KIF6: variants seen among roughly 807,000 people sequenced by gnomAD.
KIF6 encodes the protein kinesin-like protein KIF6.
In KIF6, 106 loss-of-function variants were observed where a neutral mutation model predicts 112.7. The observed-to-expected ratio is 0.94, with a 90% CI of 0.80 to 1.11. KIF6 has a LOEUF of 1.11. Among genes scored for constraint, KIF6 ranks in the 50% least tolerant of loss-of-function variants. The pLI is 0.00. For synonymous variants in KIF6, 339 were observed against 339.9 expected (o/e 1.00, Z 0.03); for missense variants, 929 against 964.0 (o/e 0.96, Z 0.48).
intron 3 of KIF6, among the ~76,000 whole-genome samples, chr6:39,675,465 G>C (rs1285444515): frequency 6.6e-6 from 1 of 152,144 alleles, no homozygotes; most frequent in Non-Finnish European, 1.5e-5. Flanking sequence ...GTGGTTTGAA[G>C]ATGACTAGCC....
chr6:39,478,033 T>C (rs1337518055), intron 13 of KIF6, among the ~76,000 whole-genome samples: 2 of 152,192 alleles, frequency 1.3e-5, no homozygotes, highest in African/African-American at 4.8e-5. Context: ...TACATGATTT[T>C]ATTATTTTTT....
intron 3 of KIF6, among the ~76,000 whole-genome samples, chr6:39,707,101 T>C (rs1262357809): frequency 1.3e-5 from 2 of 152,214 alleles, no homozygotes; most frequent in Admixed American, 6.5e-5. Context: ...TGGTAGAATG[T>C]ATGTGTATAG....
At chr6:39,442,940 C>T (rs1390176871) in intron 13 of KIF6, among the ~76,000 whole-genome samples, 1 of 151,700 alleles carries the variant, frequency 6.6e-6, no homozygotes, top group East Asian at 1.9e-4. Flanking sequence ...GGTGAAACCT[C>T]GTCTCTACTA....
At chr6:39,491,649 G>C (rs1366769859) in intron 13 of KIF6, among the ~76,000 whole-genome samples, 1 of 152,194 alleles carries the variant, frequency 6.6e-6, no homozygotes, top group Non-Finnish European at 1.5e-5. Context: ...GAAGGGACTT[G>C]TAGAGTCTGT....
chr6:39,640,990 C>A (rs1561889119), intron 3 of KIF6, among the ~76,000 whole-genome samples: 1 of 152,092 alleles, frequency 6.6e-6, no homozygotes, highest in Non-Finnish European at 1.5e-5. Context: ...GGAGTGTAAT[C>A]ACTTTTCTTC....
chr6:39,349,801 G>A (rs762629120), intron 19 of KIF6, among the ~76,000 whole-genome samples: 6 of 151,762 alleles, frequency 4.0e-5, no homozygotes, highest in Middle Eastern at 3.4e-3. Flanking sequence ...CACCACCATG[G>A]CTGGCTAATT....
chr6:39,502,521 A>G (rs558178147), intron 13 of KIF6, among the ~76,000 whole-genome samples: 37 of 152,354 alleles, frequency 2.4e-4, no homozygotes, highest in African/African-American at 8.7e-4. Flanking sequence ...AAATGGGCTA[A>G]ATGCCCCAAT....
chr6:39,608,833 T>C (rs1329729643), intron 6 of KIF6, among the ~76,000 whole-genome samples: 1 of 152,170 alleles, frequency 6.6e-6, no homozygotes, highest in Non-Finnish European at 1.5e-5. Flanking sequence ...AATCACCAGG[T>C]CTTCCTCTCT....
rs143862137 is a variant in KIF6 at position 39,708,680 on chromosome 6, G to A, written c.251+6012C>T. ...AAGCTTTTAGGTAAAACATAGATTG[G>A]CTCTATTAGAAAACTGGAATTCTGC... On this transcript the variant is annotated intron_variant, in intron 3 of 22. Transcript: ENST00000287152. 2.1e-3 allele frequency among the ~76,000 whole-genome samples: 319 copies of A among 152,204 alleles called. 1 individual carries two copies. The highest frequency in any genetic ancestry group is 7.0e-3 in the African/African-American group (292 of 41,538).
intron 13 of KIF6, among the ~76,000 whole-genome samples, chr6:39,474,659 G>A (rs1052118220): frequency 5.3e-5 from 8 of 152,256 alleles, no homozygotes; most frequent in Non-Finnish European, 1.2e-4. Context: ...GCTGTGGTCT[G>A]AAGCTTCTCC....
intron 3 of KIF6, among the ~76,000 whole-genome samples, chr6:39,648,181 G>A (rs1021091418): frequency 7.8e-6 from 1 of 127,642 alleles, no homozygotes; most frequent in African/African-American, 3.0e-5. Context: ...CTGCCACCAT[G>A]CCTGGCTAAT....
chr6:39,375,549 T>C (rs1766374193), intron 16 of KIF6, among the ~76,000 whole-genome samples: 2 of 152,276 alleles, frequency 1.3e-5, no homozygotes, highest in South Asian at 4.2e-4. Context: ...GCAAATTTCC[T>C]CTCTCTGCTT....
rs1000131506 is a variant in KIF6, at chr6:39,627,036, T to C, written c.509+7813A>G. On this transcript the variant is annotated intron_variant, in intron 5 of 22. Coordinates refer to ENST00000287152, the MANE Select transcript of KIF6 (RefSeq NM_145027.6). Reference sequence around the variant, plus strand: ...AGGCAATTCCAATTATGCTATGTCCTGGAATCAAAATCTCCAAGGGCTACA... The same window carrying C: ...AGGCAATTCCAATTATGCTATGTCCCGGAATCAAAATCTCCAAGGGCTACA... Among the ~76,000 whole-genome samples the C allele has an allele frequency of 1.1e-4, 17 of 152,282 alleles. No individual in the cohort carries two copies. The East Asian group carries it at 3.1e-3, about 28-fold the overall frequency.
At chr6:39,626,361 C>T (rs1051931773) in intron 5 of KIF6, among the ~76,000 whole-genome samples, 1 of 152,050 alleles carries the variant, frequency 6.6e-6, no homozygotes, top group Non-Finnish European at 1.5e-5. Flanking sequence ...GCTCCAGAGG[C>T]CTAAAGAAAC....
At chr6:39,596,887 A>G (rs577819060) in intron 6 of KIF6, among the ~76,000 whole-genome samples, 134 of 152,344 alleles carry the variant, frequency 8.8e-4, no homozygotes, top group African/African-American at 3.1e-3. Context: ...TGGTTGCTGG[A>G]TATGAGATGA....
At chr6:39,370,862 G>T (rs1044935892) in intron 16 of KIF6, among the ~76,000 whole-genome samples, 6 of 152,050 alleles carry the variant, frequency 3.9e-5, no homozygotes, top group African/African-American at 1.4e-4. Flanking sequence ...CACTACTGTC[G>T]ATTTTTATTC....
Position 39,373,622 on chromosome 6 carries a change from T to C in KIF6, c.1862-11104A>G, listed in dbSNP as rs116789238. ...TAAAAAAAAATTCCATTAATGATAG[T>C]AACAACAACAAAAAACCCAAAGAAC... On this transcript the variant is annotated intron_variant, in intron 16 of 22. Transcript: ENST00000287152. Among the ~76,000 whole-genome samples, 697 of 151,804 alleles carry C rather than the reference T, an allele frequency of 4.6e-3. 3 individuals carry two copies. Among genetic ancestry groups the C allele is most frequent in the African/African-American group, 0.015 (641 of 41,386 alleles).
At position 39,386,131 on chromosome 6, in the gene KIF6, T is replaced by C. The variant is rs111965882; in HGVS notation, c.1811-459A>G. Among the ~76,000 whole-genome samples, 676 of 152,298 alleles carry C rather than the reference T, an allele frequency of 4.4e-3. 8 individuals are homozygous for C. The highest frequency in any genetic ancestry group is 0.015 in the African/African-American group (615 of 41,564). On this transcript the variant is annotated intron_variant, in intron 15 of 22. Coordinates refer to ENST00000287152, the MANE Select transcript of KIF6 (RefSeq NM_145027.6). ...TTTAACTGACAATAACCCTAATAGT[T>C]GGTCATTTGGTGTGAAACTCATATA...
At chr6:39,693,646 A>C (rs914062508) in intron 3 of KIF6, among the ~76,000 whole-genome samples, 1 of 152,120 alleles carries the variant, frequency 6.6e-6, no homozygotes, top group African/African-American at 2.4e-5. Context: ...AAGACCAATA[A>C]TGAGTTCCAA....
Sources: allele counts gnomAD v4.1 joint callset (sites outside exome capture counted in the v4.1 genomes callset), GRCh38; gene constraint gnomAD v4.1.1; transcripts MANE v1.5; gene names NCBI Gene and HGNC (gene_info 2026-07-23, HGNC 2026-07-21).